The following SMAD7 variants were observed in gnomAD, a reference collection of about 807,000 sequenced individuals.
The protein encoded by SMAD7 is MAD (mothers against decapentaplegic, Drosophila) homolog 7.
In SMAD7, 8 loss-of-function variants were observed where a neutral mutation model predicts 38.7. That is an observed-to-expected ratio of 0.21 (90% confidence interval 0.12 to 0.37). The LOEUF is 0.37. Ranked by LOEUF, SMAD7 falls within the 10% of genes least tolerant of loss-of-function variation. The pLI is 1.00. For synonymous variants in SMAD7, 327 were observed against 265.1 expected (o/e 1.23, Z -2.27); for missense variants, 477 against 577.9 (o/e 0.83, Z 1.79).
chr18:48,940,389 G>A (rs2070123392), intron 3 of SMAD7, among the ~76,000 whole-genome samples: 1 of 152,168 alleles, frequency 6.6e-6, no homozygotes, highest in African/African-American at 2.4e-5. Context: ...GGAGGGGTGA[G>A]GGGAAGGAGT....
chr18:48,936,130 C>T (rs1027224713), intron 3 of SMAD7, among the ~76,000 whole-genome samples: 7 of 143,632 alleles, frequency 4.9e-5, no homozygotes, highest in African/African-American at 1.9e-4. Context: ...CACACACACA[C>T]ACGAGATCCC....
At position 48,936,752 on chromosome 18, in the gene SMAD7, T is replaced by C. The variant is rs531917838; in HGVS notation, c.742+5729A>G. On this transcript the variant is annotated intron_variant, in intron 3 of 3. Coordinates refer to ENST00000262158, the MANE Select transcript of SMAD7 (RefSeq NM_005904.4). ...AAGACCAGCCTGGCCATCATAATTC[T>C]GCAAGGAATTATGACACAGTAACAA... Among the ~76,000 whole-genome samples, 8 of 152,248 alleles carry C rather than the reference T, an allele frequency of 5.3e-5. No homozygotes were observed. In the South Asian group the frequency reaches 1.5e-3, roughly 28 times the overall value.
At chr18:48,924,060 G>A (rs562362377) in intron 3 of SMAD7, among the ~76,000 whole-genome samples, 13 of 152,320 alleles carry the variant, frequency 8.5e-5, no homozygotes, top group East Asian at 1.9e-4. Flanking sequence ...AGTGTGAAGC[G>A]GGGGAGAAAG....
At chr18:48,948,023 A>G (rs1215171967) in intron 2 of SMAD7, among the ~76,000 whole-genome samples, 1 of 151,404 alleles carries the variant, frequency 6.6e-6, no homozygotes, top group Non-Finnish European at 1.5e-5. Context: ...CATTATTCCC[A>G]CTGATGCTCC....
Position 48,921,695 on chromosome 18 carries a change from C to T in SMAD7, c.958G>A (p.Gly320Ser). ...VQKVRSKIGC[G>S]IQLTREVDGV... The stretch of plus-strand genomic sequence containing the variant: ...TCCACCTCCCGCGTCAGCTGGATGC[C>T]GCAGCCGATTTTGCTCCGCACCTTC... The change falls in exon 4 of 4, where the codon GGC (glycine) becomes AGC (serine). Residue 320 changes from glycine (G) to serine (S), a missense_variant. Transcript: ENST00000262158. The surrounding 1 kb of genome is among the most constrained non-coding windows in gnomAD (Gnocchi z 6.4). The T allele has an allele frequency of 6.2e-7, 1 of 1,613,654 alleles. No individual in the cohort carries two copies. Among genetic ancestry groups the T allele is most frequent in the Non-Finnish European group, 8.5e-7 (1 of 1,179,762 alleles).
chr18:48,928,426 C>T (rs1425295510), intron 3 of SMAD7, among the ~76,000 whole-genome samples: 2 of 152,032 alleles, frequency 1.3e-5, no homozygotes, highest in African/African-American at 2.4e-5. Flanking sequence ...TCAGGTTTTG[C>T]TGTGTCCATC....
intron 2 of SMAD7, among the ~76,000 whole-genome samples, chr18:48,944,346 C>T (rs557088865): frequency 1.3e-5 from 2 of 152,342 alleles, no homozygotes; most frequent in South Asian, 4.1e-4. Context: ...CAGAGCAGAG[C>T]TGAGACCACA....
intron 3 of SMAD7, among the ~76,000 whole-genome samples, chr18:48,937,660 C>T (rs1240133352): frequency 6.6e-6 from 1 of 152,144 alleles, no homozygotes; most frequent in Non-Finnish European, 1.5e-5. Flanking sequence ...CCAGGTGAGC[C>T]CGCCCCAGCC....
Position 48,939,917 on chromosome 18 carries a change from G to A in SMAD7, c.742+2564C>T, listed in dbSNP as rs190169795. Among the ~76,000 whole-genome samples the A allele has an allele frequency of 1.2e-3, 184 of 149,952 alleles. 2 individuals carry two copies. The highest frequency in any genetic ancestry group is 1.7e-3 in the Non-Finnish European group (118 of 67,712). ...AGTCACTGGCCTCATCCACAGCAAGGCAGACACACCCAGGCCACCCCCCAT... is the reference window on the plus strand; with the variant it reads ...AGTCACTGGCCTCATCCACAGCAAGACAGACACACCCAGGCCACCCCCCAT... On this transcript the variant is annotated intron_variant, in intron 3 of 3. Transcript: ENST00000262158.
chr18:48,947,644 C>T (rs2070209537), intron 2 of SMAD7, among the ~76,000 whole-genome samples: 1 of 152,204 alleles, frequency 6.6e-6, no homozygotes. Flanking sequence ...ATTTTGCTGA[C>T]CCTGTCCCCA....
chr18:48,940,079 G>A (rs1008395301), intron 3 of SMAD7, among the ~76,000 whole-genome samples: 21 of 151,966 alleles, frequency 1.4e-4, no homozygotes, highest in East Asian at 1.9e-4. Flanking sequence ...GGTTTTCTCC[G>A]TGCCCATCAC....
chr18:48,921,327 G>A lies in SMAD7; in HGVS notation c.*45C>T. 6.6e-7 allele frequency: 1 copy of A among 1,519,826 alleles called. No individual in the cohort carries two copies. Among genetic ancestry groups the A allele is most frequent in the Non-Finnish European group, 8.9e-7 (1 of 1,120,196 alleles). 94.1% of individuals were successfully genotyped at this position (1,519,826 alleles called of 1,614,324 possible). ...GAAAATATTAGCAGCAAAGTAGTTTGAAGTGTGGCCTGCTCAGCTCACGCT... is the reference window on the plus strand; with the variant it reads ...GAAAATATTAGCAGCAAAGTAGTTTAAAGTGTGGCCTGCTCAGCTCACGCT... On this transcript the variant is annotated 3_prime_UTR_variant, in exon 4 of 4. Coordinates refer to ENST00000262158, the MANE Select transcript of SMAD7 (RefSeq NM_005904.4). The surrounding 1 kb of genome is among the most constrained non-coding windows in gnomAD (Gnocchi z 6.4).
At chr18:48,947,753 C>T (rs1015884659) in intron 2 of SMAD7, among the ~76,000 whole-genome samples, 1 of 152,242 alleles carries the variant, frequency 6.6e-6, no homozygotes, top group Non-Finnish European at 1.5e-5. Flanking sequence ...AAATGGGCTT[C>T]TGCCATGGCT....
intron 3 of SMAD7, among the ~76,000 whole-genome samples, chr18:48,937,166 C>CCTCCCTTT (rs1420292804): frequency 6.6e-6 from 1 of 151,994 alleles, no homozygotes; most frequent in Non-Finnish European, 1.5e-5. Flanking sequence ...TTCGGCATTT[C>CCTCCCTTT]CTCCCTTTTC....
At chr18:48,925,697 C>A (rs943813244) in intron 3 of SMAD7, among the ~76,000 whole-genome samples, 1 of 152,166 alleles carries the variant, frequency 6.6e-6, no homozygotes, top group African/African-American at 2.4e-5. Flanking sequence ...GGTGACCAGG[C>A]CTCAAGGCCA....
chr18:48,925,606 C>T (rs1159065500), intron 3 of SMAD7, among the ~76,000 whole-genome samples: 1 of 152,164 alleles, frequency 6.6e-6, no homozygotes, highest in Non-Finnish European at 1.5e-5. Flanking sequence ...AATTACCCTG[C>T]TCATGAATGA....
intron 3 of SMAD7, among the ~76,000 whole-genome samples, chr18:48,936,942 G>A (rs1350784231): frequency 2.0e-5 from 3 of 152,082 alleles, no homozygotes; most frequent in African/African-American, 4.8e-5. Context: ...TTAGCCGGGC[G>A]TGGTGGTGCA....
intron 3 of SMAD7, among the ~76,000 whole-genome samples, chr18:48,929,567 T>TCACA (rs112497008): frequency 6.3e-4 from 39 of 61,798 alleles, no homozygotes; most frequent in African/African-American, 1.3e-3. Context: ...TCTCTCTCTC[T>TCACA]CTCACTCACA....
intron 3 of SMAD7, among the ~76,000 whole-genome samples, chr18:48,928,777 C>T (rs1295141894): frequency 2.0e-5 from 3 of 152,182 alleles, no homozygotes; most frequent in Admixed American, 2.0e-4. Flanking sequence ...CCCAAAACCC[C>T]CCAAGCATCT....
Sources: gnomAD v4.1 joint callset for allele counts (sites outside exome capture counted in the v4.1 genomes callset) on GRCh38, gnomAD v4.1.1 for gene constraint, Gnocchi (gnomAD v3.1) non-coding constraint, MANE v1.5 for transcripts, NCBI Gene and HGNC (gene_info 2026-07-23, HGNC 2026-07-21) for gene names.